Variants in NCKAP5 observed in about 807,000 individuals in gnomAD.
NCKAP5 encodes the protein NCK associated protein 5.
In NCKAP5, 92 loss-of-function variants were observed where a neutral mutation model predicts 167.0. The observed-to-expected ratio is 0.55, with a 90% CI of 0.47 to 0.66. The LOEUF is 0.66. Among genes scored for constraint, NCKAP5 ranks in the 30% least tolerant of loss-of-function variants. The probability of loss-of-function intolerance (pLI) is 0.00; values close to 1 mark genes in which losing one functional copy is unlikely to be tolerated. For missense variants in NCKAP5, 2,378 were observed against 2,315.0 expected, an observed-to-expected ratio of 1.03 and a Z score of -0.56; for synonymous variants, 891 against 877.4, an observed-to-expected ratio of 1.02 and a Z score of -0.27.
chr2:133,607,599 A>C, the NCKAP5 span, among the ~76,000 whole-genome samples: 1 of 152,232 alleles, frequency 6.6e-6, no homozygotes, highest in Admixed American at 6.5e-5. Flanking sequence ...TCTCCTGTGA[A>C]TAATAGATAC....
intron 6 of NCKAP5, among the ~76,000 whole-genome samples, chr2:133,071,333 T>C (rs2080389643): frequency 6.6e-6 from 1 of 151,786 alleles, no homozygotes; most frequent in Non-Finnish European, 1.5e-5. Context: ...TAGTCCCAGC[T>C]ACTTGGGAGG....
At chr2:133,487,011 A>G (rs1004882286) in intron 3 of NCKAP5, among the ~76,000 whole-genome samples, 4 of 152,164 alleles carry the variant, frequency 2.6e-5, no homozygotes, top group African/African-American at 9.7e-5. Flanking sequence ...CTGCAGGAGT[A>G]AAAGGCAGTG....
intron 7 of NCKAP5, among the ~76,000 whole-genome samples, chr2:132,976,048 G>C (rs556051405): frequency 2.3e-3 from 356 of 152,230 alleles, no homozygotes; most frequent in Non-Finnish European, 3.8e-3. Context: ...ATAAATTTAA[G>C]CCAATATAAA....
At chr2:132,856,424 G>A (rs997254802) in intron 11 of NCKAP5, among the ~76,000 whole-genome samples, 11 of 152,074 alleles carry the variant, frequency 7.2e-5, no homozygotes, top group Admixed American at 1.3e-4. Flanking sequence ...CAAAAAGTCC[G>A]CATTCTAAGA....
chr2:133,467,070 G>T (rs371942751), intron 3 of NCKAP5, among the ~76,000 whole-genome samples: 1 of 151,916 alleles, frequency 6.6e-6, no homozygotes, highest in Non-Finnish European at 1.5e-5. Context: ...GTGAGAGAGG[G>T]CATCCCTGTC....
intron 3 of NCKAP5, among the ~76,000 whole-genome samples, chr2:133,440,148 G>C (rs945679334): frequency 6.6e-6 from 1 of 152,166 alleles, no homozygotes; most frequent in African/African-American, 2.4e-5. Flanking sequence ...CACATAGTAG[G>C]AGCTTGATTG....
At chr2:133,419,308 C>T (rs1477188537) in intron 3 of NCKAP5, among the ~76,000 whole-genome samples, 1 of 152,094 alleles carries the variant, frequency 6.6e-6, no homozygotes, top group Non-Finnish European at 1.5e-5. Context: ...GGAATTTGTC[C>T]CCAAATCTTG....
At chr2:133,099,358 A>G (rs2081434415) in intron 6 of NCKAP5, among the ~76,000 whole-genome samples, 1 of 152,224 alleles carries the variant, frequency 6.6e-6, no homozygotes, top group African/African-American at 2.4e-5. Context: ...TCCCAGGTCA[A>G]AATAATGTAA....
At chr2:133,010,261 T>C (rs2078112628) in intron 6 of NCKAP5, among the ~76,000 whole-genome samples, 1 of 152,222 alleles carries the variant, frequency 6.6e-6, no homozygotes, top group South Asian at 2.1e-4. Flanking sequence ...TTTAGGTATG[T>C]GTAAAATAGT....
At chr2:133,478,048 A>C (rs1575030273) in intron 3 of NCKAP5, among the ~76,000 whole-genome samples, 1 of 152,294 alleles carries the variant, frequency 6.6e-6, no homozygotes, top group African/African-American at 2.4e-5. Context: ...TTTTTTATAA[A>C]CACTCTTATT....
intron 3 of NCKAP5, among the ~76,000 whole-genome samples, chr2:133,317,775 C>G (rs1199410717): frequency 1.3e-5 from 2 of 152,148 alleles, no homozygotes; most frequent in African/African-American, 2.4e-5. Flanking sequence ...CAATGTGATG[C>G]CCTATGCCAA....
At chr2:133,105,636 G>A (rs2081658690) in intron 6 of NCKAP5, among the ~76,000 whole-genome samples, 2 of 152,138 alleles carry the variant, frequency 1.3e-5, no homozygotes. Context: ...CATCCACTGG[G>A]CATTCCACCA....
chr2:133,313,532 G>A (rs971044732), intron 3 of NCKAP5, among the ~76,000 whole-genome samples: 17 of 151,990 alleles, frequency 1.1e-4, no homozygotes, highest in African/African-American at 3.9e-4. Context: ...GTATTTCTCA[G>A]CAGCCTGTAC....
At chr2:133,106,549 A>G (rs1416055002) in intron 6 of NCKAP5, among the ~76,000 whole-genome samples, 1 of 152,168 alleles carries the variant, frequency 6.6e-6, no homozygotes, top group African/African-American at 2.4e-5. Flanking sequence ...ATTCATGCAG[A>G]TCCCGAGTAA....
intron 3 of NCKAP5, among the ~76,000 whole-genome samples, chr2:133,446,763 A>G (rs1188394481): frequency 6.6e-6 from 1 of 152,154 alleles, no homozygotes; most frequent in Non-Finnish European, 1.5e-5. Flanking sequence ...TCTGGAGATG[A>G]CAGCTGAATA....
At chr2:133,107,314 G>T (rs1259944723) in intron 6 of NCKAP5, among the ~76,000 whole-genome samples, 1 of 152,180 alleles carries the variant, frequency 6.6e-6, no homozygotes, top group African/African-American at 2.4e-5. Context: ...TCGAGTCATG[G>T]TCTCTGCACT....
chr2:132,856,377 T>A (rs1482916900), intron 11 of NCKAP5, among the ~76,000 whole-genome samples: 1 of 151,368 alleles, frequency 6.6e-6, no homozygotes, highest in Non-Finnish European at 1.5e-5. Context: ...AGCCCTCTCA[T>A]CTTACTGGAA....
rs113807357 is a variant in NCKAP5 at position 132,708,461 on chromosome 2, C to T, written c.5713+17166G>A. On this transcript the variant is annotated intron_variant, in intron 19 of 19. Transcript: ENST00000409261. ...GGGCAGTGGTGGTCATGGGAAGAGA[C>T]TCCTTGGTTTGTGGAAAGGGGAGGT... Among the ~76,000 whole-genome samples, 1,199 of 152,152 alleles carry T rather than the reference C, an allele frequency of 7.9e-3. 10 individuals are homozygous for T. Among genetic ancestry groups the T allele is most frequent in the African/African-American group, 0.027 (1,104 of 41,512 alleles).
At chr2:133,450,849 C>T (rs2151197255) in intron 3 of NCKAP5, among the ~76,000 whole-genome samples, 1 of 152,298 alleles carries the variant, frequency 6.6e-6, no homozygotes, top group Admixed American at 6.5e-5. Context: ...CAGTTCTCCA[C>T]CTTTTCCACC....
Sources: gnomAD v4.1 joint callset for allele counts (sites outside exome capture counted in the v4.1 genomes callset) on GRCh38, gnomAD v4.1.1 for gene constraint, MANE v1.5 for transcripts, NCBI Gene and HGNC (gene_info 2026-07-23, HGNC 2026-07-21) for gene names.